The following JAKMIP1 variants were observed in gnomAD, a reference collection of about 807,000 sequenced individuals.
JAKMIP1 encodes the protein janus kinase and microtubule-interacting protein 1.
In JAKMIP1, 33 loss-of-function variants were observed where a neutral mutation model predicts 113.0. The ratio of observed to expected loss-of-function variants is 0.29; its 90% CI spans 0.22 to 0.39. The LOEUF is 0.39. Among genes scored for constraint, JAKMIP1 ranks in the 10% least tolerant of loss-of-function variants. The pLI, the probability that JAKMIP1 is intolerant of heterozygous loss-of-function variation, is 1.00. For missense variants in JAKMIP1, 813 were observed against 1,080.5 expected (o/e 0.75, Z 3.47); for synonymous variants, 480 against 459.9 (o/e 1.04, Z -0.56).
rs1439355745 is a variant in JAKMIP1, at chr4:6,089,904, T to C, written c.625-4275A>G. ...GAAGATGCAAATTAAGATGAGGTTA[T>C]ACCACGTTAGGGTGGACCCTAAACC... is the stretch of plus-strand genomic sequence containing the variant. On this transcript the variant is annotated intron_variant, in intron 3 of 20. Coordinates refer to ENST00000409021, the MANE Select transcript of JAKMIP1 (RefSeq NM_001099433.2). The surrounding 1 kb of genome is among the most constrained non-coding windows in gnomAD (Gnocchi z 5.3). Among the ~76,000 whole-genome samples the C allele has an allele frequency of 6.6e-6, 1 of 152,222 alleles. No homozygotes were observed. The highest frequency in any genetic ancestry group is 1.5e-5 in the Non-Finnish European group (1 of 68,044).
intron 1 of JAKMIP1, among the ~76,000 whole-genome samples, chr4:6,196,537 A>G (rs1419771936): frequency 6.6e-6 from 1 of 152,220 alleles, no homozygotes; most frequent in Non-Finnish European, 1.5e-5. Context: ...TACGGACATG[A>G]CGGTGACGTG....
chr4:6,180,592 G>A lies in JAKMIP1; in HGVS notation c.-148+19661C>T, dbSNP rs1725906691. Among the ~76,000 whole-genome samples the A allele has an allele frequency of 6.6e-6, 1 of 152,148 alleles. No individual in the cohort carries two copies. Among genetic ancestry groups the A allele is most frequent in the Non-Finnish European group, 1.5e-5 (1 of 68,024 alleles). Reference sequence around the variant, plus strand: ...TTATATAGCTCTCACTGTGTAGCAGGAACTGTTTCAAACTGTCCAAATTAC... The same window carrying A: ...TTATATAGCTCTCACTGTGTAGCAGAAACTGTTTCAAACTGTCCAAATTAC... On this transcript the variant is annotated intron_variant, in intron 1 of 20. Transcript: ENST00000409021. This position sits in a 1 kb window ranked among gnomAD's most constrained non-coding sequence, Gnocchi z 4.5.
intron 3 of JAKMIP1, among the ~76,000 whole-genome samples, chr4:6,098,944 C>G (rs925272355): frequency 6.6e-6 from 1 of 152,158 alleles, no homozygotes; most frequent in Non-Finnish European, 1.5e-5. Flanking sequence ...CTTTTGTGCT[C>G]ATCTTCTTTG....
At chr4:6,173,607 A>C (rs1469996017) in intron 1 of JAKMIP1, among the ~76,000 whole-genome samples, 1 of 152,212 alleles carries the variant, frequency 6.6e-6, no homozygotes, top group Non-Finnish European at 1.5e-5. Flanking sequence ...GAATCCCTTT[A>C]CACCTTCATC....
chr4:6,110,159 C>T (rs1397983044), intron 2 of JAKMIP1, among the ~76,000 whole-genome samples: 1 of 152,182 alleles, frequency 6.6e-6, no homozygotes, highest in African/African-American at 2.4e-5. Flanking sequence ...ACCCCCATGA[C>T]CTCAGGATGT....
At chr4:6,134,533 C>T in intron 1 of JAKMIP1, among the ~76,000 whole-genome samples, 1 of 152,160 alleles carries the variant, frequency 6.6e-6, no homozygotes, top group African/African-American at 2.4e-5. Flanking sequence ...CTTCCCACCC[C>T]TAGGCTGGGT....
At chr4:6,104,696 T>A (rs1285154107) in intron 3 of JAKMIP1, among the ~76,000 whole-genome samples, 1 of 152,248 alleles carries the variant, frequency 6.6e-6, no homozygotes, top group Admixed American at 6.5e-5. Context: ...AGACTGGTCA[T>A]GTGTTTGTGG....
chr4:6,133,888 G>A (rs897940858), intron 1 of JAKMIP1, among the ~76,000 whole-genome samples: 2 of 152,184 alleles, frequency 1.3e-5, no homozygotes, highest in African/African-American at 4.8e-5. Flanking sequence ...AGGGACCTTT[G>A]AAGCCATGCA....
intron 1 of JAKMIP1, among the ~76,000 whole-genome samples, chr4:6,118,925 G>A (rs754147374): frequency 1.9e-4 from 29 of 152,238 alleles, no homozygotes; most frequent in Non-Finnish European, 3.2e-4. Context: ...AAATCATCCT[G>A]CAGTAGGATG....
intron 11 of JAKMIP1, among the ~76,000 whole-genome samples, chr4:6,058,502 C>G (rs1186327098): frequency 6.6e-6 from 1 of 152,150 alleles, no homozygotes; most frequent in Non-Finnish European, 1.5e-5. Flanking sequence ...TTCTCTAAGT[C>G]TTTTCGAAAG....
In JAKMIP1 at chr4:6,035,889, G is replaced by T; in HGVS notation, c.2379+15C>A. On this transcript the variant is annotated intron_variant, in intron 19 of 20. Transcript: ENST00000409021. The stretch of plus-strand genomic sequence containing the variant: ...GTGCCGGGGTGCTGTGGGCACAGCC[G>T]CTGTTGCCGCCTACCTGCTGGGCCT... 2 of 1,542,314 alleles carry T rather than the reference G, an allele frequency of 1.3e-6. No homozygotes were observed. The highest frequency in any genetic ancestry group is 1.9e-4 in the Middle Eastern group (1 of 5,156).
intron 5 of JAKMIP1, among the ~76,000 whole-genome samples, chr4:6,083,785 G>A (rs1720916013): frequency 6.6e-6 from 1 of 152,038 alleles, no homozygotes; most frequent in Non-Finnish European, 1.5e-5. Context: ...TGAGGCATCT[G>A]TCAAGAAGTT....
chr4:6,062,300 G>T lies in JAKMIP1; in HGVS notation c.1560+12C>A. ...GGCCCCTCCCTCGAGCCCTGAGGCT[G>T]GCTGCACTCACCCGGGCCTCCCTCT... is the stretch of plus-strand genomic sequence containing the variant. On this transcript the variant is annotated intron_variant, in intron 10 of 20. Coordinates refer to ENST00000409021, the MANE Select transcript of JAKMIP1 (RefSeq NM_001099433.2). The T allele has an allele frequency of 6.2e-7, 1 of 1,611,750 alleles. No homozygotes were observed. Among genetic ancestry groups the T allele is most frequent in the East Asian group, 2.2e-5 (1 of 44,866 alleles).
intron 1 of JAKMIP1, among the ~76,000 whole-genome samples, chr4:6,131,350 CAAG>C (rs1219378124): frequency 1.7e-5 from 2 of 116,570 alleles, no homozygotes; most frequent in Non-Finnish European, 3.4e-5. Context: ...CAGAAAATAG[CAAG>C]AAGGATAACT....
chr4:6,160,930 C>T (rs1273837181), intron 1 of JAKMIP1, among the ~76,000 whole-genome samples: 3 of 150,850 alleles, frequency 2.0e-5, no homozygotes, highest in Admixed American at 2.0e-4. Flanking sequence ...CACTCACCTC[C>T]CCGATCTCCA....
chr4:6,098,550 GAAAGAAAGAAAGAAAGAA>G (rs1328532346), intron 3 of JAKMIP1, among the ~76,000 whole-genome samples: 3 of 8,660 alleles, frequency 3.5e-4, no homozygotes, highest in East Asian at 0.14. Context: ...GAAAGAAAAA[GAAAGAAAGAAAGAAAGAA>G]AGAAAGAAAG....
chr4:6,049,351 T>G lies in JAKMIP1; in HGVS notation c.1963-429A>C, dbSNP rs1715378544. 6.6e-6 allele frequency among the ~76,000 whole-genome samples: 1 copy of G among 152,190 alleles called. No homozygotes were observed. The highest frequency in any genetic ancestry group is 1.5e-5 in the Non-Finnish European group (1 of 68,026). On this transcript the variant is annotated intron_variant, in intron 15 of 20. Transcript: ENST00000409021. This position sits in a 1 kb window ranked among gnomAD's most constrained non-coding sequence, Gnocchi z 7.0. Reference sequence around the variant, plus strand: ...ATGCCCCGCCAACACCAAGCGACTTTCCTAGCTTCTCTCTGAGCTGCACCC... The same window carrying G: ...ATGCCCCGCCAACACCAAGCGACTTGCCTAGCTTCTCTCTGAGCTGCACCC...
intron 1 of JAKMIP1, among the ~76,000 whole-genome samples, chr4:6,196,599 C>A (rs370864716): frequency 2.6e-5 from 4 of 152,226 alleles, no homozygotes; most frequent in South Asian, 2.1e-4. Context: ...CACGCCTGTA[C>A]TCCCAGCACG....
Position 6,179,137 on chromosome 4 carries a change from A to G in JAKMIP1, c.-148+21116T>C, listed in dbSNP as rs1286485819. On this transcript the variant is annotated intron_variant, in intron 1 of 20. Transcript: ENST00000409021. The surrounding 1 kb of genome is among the most constrained non-coding windows in gnomAD (Gnocchi z 4.5). ...TTGCTCTTTTTCATGAAATGGTCTTAGAAGGACCCACAGGCACACCTAGGT... is the reference window on the plus strand; with the variant it reads ...TTGCTCTTTTTCATGAAATGGTCTTGGAAGGACCCACAGGCACACCTAGGT... 6.6e-6 allele frequency among the ~76,000 whole-genome samples: 1 copy of G among 152,228 alleles called. No homozygotes were observed. Among genetic ancestry groups the G allele is most frequent in the Non-Finnish European group, 1.5e-5 (1 of 68,036 alleles).
Sources: gnomAD v4.1 joint callset for allele counts (sites outside exome capture counted in the v4.1 genomes callset) on GRCh38, gnomAD v4.1.1 for gene constraint, Gnocchi (gnomAD v3.1) non-coding constraint, MANE v1.5 for transcripts, NCBI Gene and HGNC (gene_info 2026-07-23, HGNC 2026-07-21) for gene names.